Variants in EML5 observed in about 807,000 individuals in gnomAD.
EML5 encodes the protein EMAP like 5.
EML5 carries 120 observed loss-of-function variants against 250.0 expected under a neutral mutation model. The ratio of observed to expected loss-of-function variants is 0.48; its 90% CI spans 0.41 to 0.56. The LOEUF is 0.56. EML5 is among the 20% of genes least tolerant of loss of function. The pLI is 0.00. For missense variants in EML5, 2,006 were observed against 2,437.6 expected, an observed-to-expected ratio of 0.82 and a Z score of 3.73; for synonymous variants, 771 against 806.5, an observed-to-expected ratio of 0.96 and a Z score of 0.75.
rs2140831845 is a variant in EML5 at position 88,652,266 on chromosome 14, A to G, written c.4005-2340T>C. On this transcript the variant is annotated intron_variant, in intron 27 of 43. Coordinates refer to ENST00000554922, the MANE Select transcript of EML5 (RefSeq NM_183387.3). ...ACCTCCCATTGCTATGATCTGAGGT[A>G]CATGAGGTATACCATCAGCAAACGA... 2.0e-5 allele frequency among the ~76,000 whole-genome samples: 3 copies of G among 152,240 alleles called. 1 individual carries two copies. The South Asian group carries it at 6.2e-4, about 32-fold the overall frequency.
chr14:88,761,894 T>A (rs2094249590), intron 1 of EML5, among the ~76,000 whole-genome samples: 1 of 152,194 alleles, frequency 6.6e-6, no homozygotes, highest in Non-Finnish European at 1.5e-5. Flanking sequence ...TTCTAACTCG[T>A]ATGAGATGAT....
intron 4 of EML5, among the ~76,000 whole-genome samples, chr14:88,742,878 G>C (rs1418759047): frequency 6.6e-6 from 1 of 152,038 alleles, no homozygotes; most frequent in Admixed American, 6.6e-5. Flanking sequence ...GATGGAGTTA[G>C]GCATATTGAA....
At chr14:88,761,343 C>T (rs548608757) in intron 1 of EML5, among the ~76,000 whole-genome samples, 3 of 152,042 alleles carry the variant, frequency 2.0e-5, no homozygotes, top group Non-Finnish European at 4.4e-5. Context: ...TAATGCTATC[C>T]CTCCCCTTGC....
chr14:88,684,389 C>T (rs1159970660), intron 20 of EML5, among the ~76,000 whole-genome samples: 1 of 136,004 alleles, frequency 7.4e-6, no homozygotes, highest in African/African-American at 2.9e-5. Context: ...CCGGGATGGT[C>T]TCGATCTCCT....
chr14:88,688,501 A>T (rs1190774913), intron 17 of EML5, 28 bp from the exon 18 acceptor site: 1 of 1,596,364 alleles, frequency 6.3e-7, no homozygotes, highest in African/African-American at 1.3e-5. Context: ...TTATGAAAGT[A>T]CCACTTTCAA....
intron 1 of EML5, among the ~76,000 whole-genome samples, chr14:88,759,706 T>TAAAAAAAAAAAAAAAAAAAAA (rs2094212320): frequency 9.1e-5 from 6 of 66,162 alleles, no homozygotes; most frequent in African/African-American, 5.2e-4. Context: ...AAAAAAAAAC[T>TAAAAAAAAAAAAAAAAAAAAA]GGGGAGAAAA....
intron 25 of EML5, among the ~76,000 whole-genome samples, chr14:88,659,492 G>GT: frequency 6.6e-6 from 1 of 152,308 alleles, no homozygotes; most frequent in East Asian, 1.9e-4. Flanking sequence ...GATTATAGGC[G>GT]TAAGCCACTG....
At chr14:88,721,474 C>T (rs1012361629) in intron 8 of EML5, among the ~76,000 whole-genome samples, 1 of 152,106 alleles carries the variant, frequency 6.6e-6, no homozygotes, top group Non-Finnish European at 1.5e-5. Flanking sequence ...ACATCTACAA[C>T]CATCTGATCT....
At chr14:88,698,893 T>TAC (rs2093143038) in intron 14 of EML5, among the ~76,000 whole-genome samples, 1 of 152,212 alleles carries the variant, frequency 6.6e-6, no homozygotes, top group South Asian at 2.1e-4. Context: ...TTGACTCATG[T>TAC]ACCAATCACA....
chr14:88,728,653 C>T (rs1273124386), intron 7 of EML5, among the ~76,000 whole-genome samples: 1 of 152,104 alleles, frequency 6.6e-6, no homozygotes, highest in Non-Finnish European at 1.5e-5. Flanking sequence ...GTCTTACGAT[C>T]TCAGGGGTGG....
intron 1 of EML5, among the ~76,000 whole-genome samples, chr14:88,789,761 C>G (rs2094587270): frequency 6.6e-6 from 1 of 152,108 alleles, no homozygotes; most frequent in Non-Finnish European, 1.5e-5. Flanking sequence ...AAATGATAGA[C>G]TAGTCATGAT....
chr14:88,741,392 C>A (rs2077641497), intron 4 of EML5, among the ~76,000 whole-genome samples: 1 of 151,924 alleles, frequency 6.6e-6, no homozygotes, highest in Admixed American at 6.6e-5. Flanking sequence ...GCTTGTAAAG[C>A]TTAAAAAAAT....
intron 21 of EML5, among the ~76,000 whole-genome samples, chr14:88,673,199 G>A (rs534367212): frequency 6.6e-6 from 1 of 152,324 alleles, no homozygotes; most frequent in Non-Finnish European, 1.5e-5. Context: ...CGATCAAGCT[G>A]TCTTCATCCC....
At chr14:88,747,875 C>G (rs1411314003) in intron 2 of EML5, among the ~76,000 whole-genome samples, 2 of 152,172 alleles carry the variant, frequency 1.3e-5, no homozygotes, top group Admixed American at 1.3e-4. Flanking sequence ...AAGGTCTGAA[C>G]TTACCCTCCC....
intron 1 of EML5, among the ~76,000 whole-genome samples, chr14:88,756,597 G>C (rs1297757975): frequency 5.3e-5 from 8 of 151,940 alleles, no homozygotes; most frequent in Admixed American, 5.2e-4. Context: ...AATCCACAAA[G>C]AAACAACCAA....
chr14:88,640,932 A>G (rs970765908), intron 31 of EML5, among the ~76,000 whole-genome samples: 4 of 152,084 alleles, frequency 2.6e-5, no homozygotes, highest in Admixed American at 6.6e-5. Context: ...GAACACCTCT[A>G]AATACACAAA....
In EML5 at chr14:88,705,486, C is replaced by T. The variant is rs539541344; in HGVS notation, c.1928G>A (p.Arg643Gln). 5.0e-6 allele frequency: 8 copies of T among 1,594,940 alleles called. No homozygotes were observed. The highest frequency in any genetic ancestry group is 1.3e-5 in the African/African-American group (1 of 74,590). The change falls in exon 12 of 44, where the codon CGA (arginine) becomes CAA (glutamine). Residue 643 changes from arginine (R) to glutamine (Q), a missense_variant. Transcript: ENST00000554922. ...CCATGTGATATGGAAAATTACCTGT[C>T]GACGGTAGGTGAGCTGTGTCTCTTG... ...IEQETQLTYR[R>Q]QVYKEDLPQL...
chr14:88,702,269 C>CT (rs2093228839), intron 14 of EML5, among the ~76,000 whole-genome samples, 177 bp downstream of exon 14: 1 of 151,940 alleles, frequency 6.6e-6, no homozygotes, highest in African/African-American at 2.4e-5. Flanking sequence ...AATAAAAACT[C>CT]TAAAACTGTA....
chr14:88,688,419 G>T lies in EML5; in HGVS notation c.2594C>A (p.Thr865Lys). Residue 865 changes from threonine to lysine, a missense_variant, in exon 18 of 44, where the codon ACA becomes AAA. By Grantham distance (78) the Thr-to-Lys change is moderately conservative. Coordinates refer to ENST00000554922, the MANE Select transcript of EML5 (RefSeq NM_183387.3). ...CCATCCATACACTGCACACATCATT[G>T]TGTCATTTTTCCCCAGTGTGCCTAT... is the stretch of plus-strand genomic sequence containing the variant. The part of the protein sequence containing the change: ...GYIGTLGKND[T>K]MMCAVYGWTE... 1 of 1,613,950 alleles carries T rather than the reference G, an allele frequency of 6.2e-7. No individual in the cohort carries two copies. Among genetic ancestry groups the T allele is most frequent in the South Asian group, 1.1e-5 (1 of 91,082 alleles).
Sources: allele counts gnomAD v4.1 joint callset (sites outside exome capture counted in the v4.1 genomes callset), GRCh38; gene constraint gnomAD v4.1.1; transcripts MANE v1.5; gene names NCBI Gene and HGNC (gene_info 2026-07-23, HGNC 2026-07-21).